The following OTOA variants were observed in gnomAD, a reference collection of about 807,000 sequenced individuals.
OTOA encodes the protein cancer/testis antigen 108.
In OTOA, 70 loss-of-function variants were observed where a neutral mutation model predicts 110.8. The ratio of observed to expected loss-of-function variants is 0.63; its 90% CI spans 0.52 to 0.77. OTOA has a LOEUF of 0.77. Ranked by LOEUF, OTOA falls within the 30% of genes least tolerant of loss-of-function variation. OTOA has a pLI of 0.00. For synonymous variants in OTOA, 373 were observed against 431.5 expected, an observed-to-expected ratio of 0.86 and a Z score of 1.68; for missense variants, 917 against 1,075.8, an observed-to-expected ratio of 0.85 and a Z score of 2.06.
At chr16:21,680,236 G>A (rs1285766110) in intron 5 of OTOA, among the ~76,000 whole-genome samples, 3 of 149,556 alleles carry the variant, frequency 2.0e-5, no homozygotes, top group African/African-American at 2.5e-5. Context: ...ATTACAGGCC[G>A]GGCGCGGTGG....
intron 1 of OTOA, among the ~76,000 whole-genome samples, chr16:21,673,852 T>C (rs7190339): frequency 0.46 from 69,609 of 152,004 alleles, 17,725 homozygotes; most frequent in African/African-American, 0.69. Flanking sequence ...TGCAGTGGCG[T>C]GATCTTGGCT....
chr16:21,723,386 C>A (rs1898819606), intron 18 of OTOA, among the ~76,000 whole-genome samples: 2 of 151,970 alleles, frequency 1.3e-5, no homozygotes, highest in South Asian at 4.1e-4. Flanking sequence ...TTGTTTCTCT[C>A]CTTCTCTCCT....
Position 21,752,395 on chromosome 16 carries a change from T to C in OTOA, c.2945T>C (p.Leu982Pro), listed in dbSNP as rs775666721. ...FRVVVARIGT[L>P]LCSTHVLAEF... is the part of the protein sequence containing the mutation. ...GTGGTAGTGGCCAGAATTGGGACCCTGCTCTGCAGCACACATGTCTTAGCC... is the reference window on the plus strand; with the variant it reads ...GTGGTAGTGGCCAGAATTGGGACCCCGCTCTGCAGCACACATGTCTTAGCC... Residue 982 changes from leucine (L) to proline (P), a missense_variant, in exon 26 of 29, where the codon CTG (leucine) becomes CCG (proline). By Grantham distance (98) the Leu-to-Pro change is moderately conservative. This residue lies in a region of OTOA where 6 missense variants were observed against 26.1 expected (regional missense o/e 0.23). Transcript: ENST00000646100. The C allele has an allele frequency of 1.0e-4, 49 of 484,998 alleles. 7 individuals are homozygous for C. Among genetic ancestry groups the C allele is most frequent in the Non-Finnish European group, 1.5e-4 (37 of 248,760 alleles). 30.0% of individuals were successfully genotyped at this position (484,998 alleles called of 1,614,324 possible).
intron 12 of OTOA, among the ~76,000 whole-genome samples, chr16:21,706,354 A>G (rs1401123045): frequency 6.6e-6 from 1 of 152,184 alleles, no homozygotes; most frequent in Non-Finnish European, 1.5e-5. Flanking sequence ...GCACACCTGG[A>G]GCGGCAGGAG....
chr16:21,685,464 T>C (rs1897696440), intron 7 of OTOA, 103 bp downstream of exon 7: 2 of 1,490,098 alleles, frequency 1.3e-6, no homozygotes, highest in African/African-American at 2.8e-5. Context: ...CACTTCATTG[T>C]CTCTTCCTCT....
chr16:21,674,258 TGTGA>T (rs1238979111), intron 1 of OTOA, among the ~76,000 whole-genome samples: 22 of 152,214 alleles, frequency 1.4e-4, no homozygotes, highest in African/African-American at 5.1e-4. Context: ...ATCAGCAATG[TGTGA>T]GTGATCCAGT....
At chr16:21,696,983 G>T in intron 9 of OTOA, among the ~76,000 whole-genome samples, 1 of 119,954 alleles carries the variant, frequency 8.3e-6, no homozygotes, top group East Asian at 2.3e-4. Flanking sequence ...TCAAATTCCT[G>T]GTTTCAAGCA....
chr16:21,705,044 T>G, intron 11 of OTOA, 125 bp from the exon 12 acceptor site: 1 of 1,469,988 alleles, frequency 6.8e-7, no homozygotes, highest in Non-Finnish European at 9.5e-7. Flanking sequence ...TCAGGTTATG[T>G]GACCTTCAAC....
chr16:21,697,778 ACT>A lies in OTOA; in HGVS notation c.746_747del (p.Ser249CysfsTer22), dbSNP rs1567373723. ...TTCATTTCTTTATTTTTTGTAGATG[ACT>A]CTGCTTCATGGGTCAGTGCGGAACA... On this transcript the variant is annotated frameshift_variant, in exon 10 of 29. Coordinates refer to ENST00000646100, the MANE Select transcript of OTOA (RefSeq NM_144672.4). LOFTEE classifies it high-confidence loss of function. 1 of 1,613,746 alleles carries A rather than the reference ACT, an allele frequency of 6.2e-7. No individual in the cohort carries two copies. The highest frequency in any genetic ancestry group is 1.1e-5 in the South Asian group (1 of 91,082).
At chr16:21,718,193 A>C (rs1898615751) in intron 15 of OTOA, among the ~76,000 whole-genome samples, 1 of 152,126 alleles carries the variant, frequency 6.6e-6, no homozygotes, top group Non-Finnish European at 1.5e-5. Flanking sequence ...CTTGACCTCA[A>C]GTGATCTGCC....
chr16:21,687,489 T>A lies in OTOA; in HGVS notation c.476T>A (p.Leu159Gln). The A allele has an allele frequency of 6.2e-7, 1 of 1,614,096 alleles. No homozygotes were observed. The highest frequency in any genetic ancestry group is 8.5e-7 in the Non-Finnish European group (1 of 1,180,016). ...CAGAGCCCTGGCGTGAACCGCAGCC[T>A]GTTTCTCATCACACTGGAGAGGTGT... is the stretch of plus-strand genomic sequence containing the variant. ...ALQSPGVNRS[L>Q]FLITLERCFQ... Residue 159 changes from leucine (L) to glutamine (Q), a missense_variant, in exon 8 of 29, where the codon CTG (leucine) becomes CAG (glutamine). This residue lies in a region of OTOA where 840 missense variants were observed against 910.2 expected (regional missense o/e 0.92). Coordinates refer to ENST00000646100, the MANE Select transcript of OTOA (RefSeq NM_144672.4).
chr16:21,704,706 T>C (rs1481336516), intron 11 of OTOA, among the ~76,000 whole-genome samples: 1 of 152,090 alleles, frequency 6.6e-6, no homozygotes, highest in East Asian at 1.9e-4. Context: ...ACTGAAGCAC[T>C]AGGTTTTTGT....
rs776536256 is a variant in OTOA, at chr16:21,684,738, A to ATT, written c.268-491_268-490dup. Among the ~76,000 whole-genome samples the ATT allele has an allele frequency of 6.5e-3, 397 of 60,678 alleles. 5 individuals are homozygous for ATT. The highest frequency in any genetic ancestry group is 0.024 in the South Asian group (32 of 1,336). The allele number at this position is 60,678 out of a possible 152,430, so 39.8% of individuals were successfully genotyped here. A position where few individuals can be genotyped will look rare whatever the true frequency, so the allele number is the denominator to read the frequency against. ...GAATCCCCTTATTATTATTATTATTATTATTATTATTATTATTATTATTAT... is the reference window on the plus strand; with the variant it reads ...GAATCCCCTTATTATTATTATTATTATTTTATTATTATTATTATTATTATTAT... On this transcript the variant is annotated intron_variant, in intron 6 of 28. Coordinates refer to ENST00000646100, the MANE Select transcript of OTOA (RefSeq NM_144672.4).
intron 20 of OTOA, 41 bp downstream of exon 20, chr16:21,728,472 C>T: frequency 6.3e-7 from 1 of 1,597,996 alleles, no homozygotes. Flanking sequence ...GTGTGGTATG[C>T]TCTGTGGAGG....
At position 21,685,239 on chromosome 16, in the gene OTOA, G is replaced by C. The variant is rs767421718; in HGVS notation, c.277G>C (p.Glu93Gln). 21 of 1,612,334 alleles carry C rather than the reference G, an allele frequency of 1.3e-5. No homozygotes were observed. The Admixed American group carries it at 3.0e-4, about 23-fold the overall frequency. ...FTIPSLQAAVENHLEQRLHQP... is the reference protein window; with the variant it reads ...FTIPSLQAAVQNHLEQRLHQP... ...AACACCCCAAATACAGGCAGCCGTG[G>C]AAAACCACCTGGAGCAGCGTCTGCA... The change falls in exon 7 of 29, where the codon GAA becomes CAA. Residue 93 changes from glutamate to glutamine, a missense_variant. Coordinates refer to ENST00000646100, the MANE Select transcript of OTOA (RefSeq NM_144672.4).
intron 13 of OTOA, among the ~76,000 whole-genome samples, chr16:21,714,402 TTTCTTTCTC>T (rs1898475455): frequency 6.7e-6 from 1 of 149,454 alleles, no homozygotes; most frequent in Non-Finnish European, 1.5e-5. Flanking sequence ...TTTCTTTCTC[TTTCTTTCTC>T]TTTCTTTCTT....
chr16:21,716,881 G>A, intron 14 of OTOA, 26 bp from the exon 15 acceptor site: 4 of 1,613,346 alleles, frequency 2.5e-6, no homozygotes, highest in Non-Finnish European at 3.4e-6. Flanking sequence ...TTACAATGTT[G>A]TTTTGTTGCT....
chr16:21,681,017 C>T (rs562294810), intron 5 of OTOA, among the ~76,000 whole-genome samples: 1 of 152,236 alleles, frequency 6.6e-6, no homozygotes, highest in South Asian at 2.1e-4. Context: ...CAAATTGTCT[C>T]AAGCCACACA....
chr16:21,669,313 A>G (rs1368368851), intron 1 of OTOA, among the ~76,000 whole-genome samples: 1 of 152,090 alleles, frequency 6.6e-6, no homozygotes, highest in Non-Finnish European at 1.5e-5. Context: ...ACTGCACTCC[A>G]GCGTGCGTGA....
Sources: allele counts gnomAD v4.1 joint callset (sites outside exome capture counted in the v4.1 genomes callset), GRCh38; gene constraint gnomAD v4.1.1; regional missense constraint gnomAD v4.1.1; transcripts MANE v1.5; gene names NCBI Gene and HGNC (gene_info 2026-07-23, HGNC 2026-07-21).